RARS2: variants seen among roughly 807,000 people sequenced by gnomAD.
The protein encoded by RARS2 is arginyl-tRNA synthetase 2, mitochondrial.
Under a neutral mutation model 88.5 loss-of-function variants are expected in RARS2, and 67 were observed. The observed-to-expected ratio is 0.76, with a 90% CI of 0.62 to 0.93. The LOEUF is 0.93. RARS2 is among the 40% of genes least tolerant of loss of function. RARS2 has a pLI of 0.00. For synonymous variants in RARS2, 239 were observed against 230.3 expected, an observed-to-expected ratio of 1.04 and a Z score of -0.34; for missense variants, 664 against 684.2, an observed-to-expected ratio of 0.97 and a Z score of 0.33.
chr6:87,569,703 A>G (rs1365658640), intron 1 of RARS2, 113 bp from the exon 2 acceptor site: 2 of 813,370 alleles, frequency 2.5e-6, no homozygotes, highest in East Asian at 2.6e-5. Context: ...ATGAGCTCCA[A>G]ATGCATTCCA....
intron 1 of RARS2, among the ~76,000 whole-genome samples, chr6:87,586,881 G>GTTATTTAT (rs145438214): frequency 1.9e-4 from 28 of 147,532 alleles, no homozygotes; most frequent in South Asian, 4.4e-4. Flanking sequence ...TGTGGGGTTG[G>GTTATTTAT]TTATTTATTT....
intron 12 of RARS2, among the ~76,000 whole-genome samples, chr6:87,520,469 A>G (rs1773483614): frequency 6.6e-6 from 1 of 152,210 alleles, no homozygotes; most frequent in Admixed American, 6.5e-5. Context: ...AACTCCACCG[A>G]GTCAGTAGGA....
intron 6 of RARS2, among the ~76,000 whole-genome samples, chr6:87,546,045 T>C (rs567350134): frequency 6.6e-6 from 1 of 152,308 alleles, no homozygotes; most frequent in African/African-American, 2.4e-5. Context: ...GAAATATATT[T>C]GTCTGTGCCC....
At chr6:87,520,341 T>C in intron 12 of RARS2, 85 bp from the exon 13 acceptor site, 2 of 1,119,992 alleles carry the variant, frequency 1.8e-6, no homozygotes, top group South Asian at 2.6e-5. Context: ...AATTAAGATA[T>C]TTGAGGTCTG....
chr6:87,580,028 C>T (rs770443667), intron 1 of RARS2, among the ~76,000 whole-genome samples: 11 of 152,026 alleles, frequency 7.2e-5, no homozygotes, highest in South Asian at 4.1e-4. Context: ...TGCGAGCCAC[C>T]GCCCCAGGCT....
At chr6:87,541,269 T>C (rs1308122878) in intron 8 of RARS2, among the ~76,000 whole-genome samples, 1 of 152,088 alleles carries the variant, frequency 6.6e-6, no homozygotes, top group African/African-American at 2.4e-5. Flanking sequence ...CTTGAACCCC[T>C]GGGGTCTAGC....
intron 1 of RARS2, among the ~76,000 whole-genome samples, chr6:87,573,755 C>T (rs1770544489): frequency 6.6e-6 from 1 of 152,108 alleles, no homozygotes; most frequent in South Asian, 2.1e-4. Context: ...AGCTTCTTCA[C>T]ATAATCTCCC....
chr6:87,560,379 T>A (rs1481241513), intron 4 of RARS2, among the ~76,000 whole-genome samples: 2 of 152,224 alleles, frequency 1.3e-5, no homozygotes, highest in Non-Finnish European at 2.9e-5. Context: ...TCCTATTTGG[T>A]TGAGATCATA....
chr6:87,561,866 AG>A (rs1787939520), intron 4 of RARS2, among the ~76,000 whole-genome samples: 1 of 152,258 alleles, frequency 6.6e-6, no homozygotes, highest in South Asian at 2.1e-4. Context: ...TCAATTGAGA[AG>A]GATTTGGGAA....
At chr6:87,561,528 TCTCTA>T (rs1227702254) in intron 4 of RARS2, among the ~76,000 whole-genome samples, 1 of 152,178 alleles carries the variant, frequency 6.6e-6, no homozygotes, top group African/African-American at 2.4e-5. Flanking sequence ...CCAAGTAAAC[TCTCTA>T]CTTATATTAA....
At chr6:87,571,866 G>C (rs927807659) in intron 1 of RARS2, among the ~76,000 whole-genome samples, 26 of 152,180 alleles carry the variant, frequency 1.7e-4, no homozygotes, top group African/African-American at 6.0e-4. Flanking sequence ...GCTTGGTACA[G>C]ATTGATTTTT....
At chr6:87,582,866 C>T (rs1774031093) in intron 1 of RARS2, among the ~76,000 whole-genome samples, 1 of 152,186 alleles carries the variant, frequency 6.6e-6, no homozygotes, top group Admixed American at 6.5e-5. Context: ...AGCAGGGTAG[C>T]TCCTCTATCA....
At chr6:87,564,319 T>A in intron 2 of RARS2, 87 bp from the exon 3 acceptor site, 1 of 941,416 alleles carries the variant, frequency 1.1e-6, no homozygotes, top group Non-Finnish European at 1.7e-6. Context: ...AGTTCTCCAT[T>A]GAGACATACC....
intron 7 of RARS2, among the ~76,000 whole-genome samples, chr6:87,544,863 G>C (rs1782124832): frequency 6.6e-6 from 1 of 152,254 alleles, no homozygotes; most frequent in Non-Finnish European, 1.5e-5. Flanking sequence ...GGAAGACAAA[G>C]TATCACCCTT....
intron 1 of RARS2, among the ~76,000 whole-genome samples, chr6:87,588,137 T>C (rs990637179): frequency 1.3e-5 from 2 of 152,190 alleles, no homozygotes; most frequent in Non-Finnish European, 2.9e-5. Context: ...TTTCTCATCA[T>C]GGCACTATCT....
At chr6:87,586,399 A>G (rs1292948341) in intron 1 of RARS2, among the ~76,000 whole-genome samples, 2 of 152,042 alleles carry the variant, frequency 1.3e-5, no homozygotes, top group African/African-American at 4.8e-5. Context: ...CTCTCACTCT[A>G]TTTACTTGGC....
chr6:87,586,554 G>A (rs944573997), intron 1 of RARS2, among the ~76,000 whole-genome samples: 5 of 152,146 alleles, frequency 3.3e-5, no homozygotes, highest in Admixed American at 1.3e-4. Context: ...TGCAATTACC[G>A]GTTTACATCG....
chr6:87,576,159 GA>G lies in RARS2; in HGVS notation c.37-6570del, dbSNP rs1164867344. On this transcript the variant is annotated intron_variant, in intron 1 of 19. Coordinates refer to ENST00000369536, the MANE Select transcript of RARS2 (RefSeq NM_020320.5). ...AAAATCCAAGCTGCAGCTGCACAAA[GA>G]TAATTACACTTTGATATAATTTATA... Among the ~76,000 whole-genome samples the G allele has an allele frequency of 2.5e-5, 3 of 118,498 alleles. 1 individual carries two copies. The East Asian group carries it at 7.3e-4, about 29-fold the overall frequency. The allele number at this position is 118,498 out of a possible 152,430, so 77.7% of individuals were successfully genotyped here.
chr6:87,576,673 T>C (rs920867908), intron 1 of RARS2, among the ~76,000 whole-genome samples: 1 of 152,212 alleles, frequency 6.6e-6, no homozygotes, highest in Non-Finnish European at 1.5e-5. Context: ...AATATTTTAT[T>C]TTCGAAGCTG....
Sources: allele counts gnomAD v4.1 joint callset (sites outside exome capture counted in the v4.1 genomes callset), GRCh38; gene constraint gnomAD v4.1.1; transcripts MANE v1.5; gene names NCBI Gene and HGNC (gene_info 2026-07-23, HGNC 2026-07-21).